Variants in PAK5 observed in about 807,000 individuals in gnomAD.
PAK5 encodes the protein p21 (RAC1) activated kinase 5.
A neutral mutation model predicts 65.9 loss-of-function variants in PAK5; 16 were observed. That is an observed-to-expected ratio of 0.24 (90% CI 0.16 to 0.37). The LOEUF is 0.37. Ranked by LOEUF, PAK5 falls within the 10% of genes least tolerant of loss-of-function variation. The pLI is 1.00. For synonymous variants in PAK5, 371 were observed against 354.9 expected, an observed-to-expected ratio of 1.05 and a Z score of -0.51; for missense variants, 785 against 903.9, an observed-to-expected ratio of 0.87 and a Z score of 1.69.
At chr20:9,589,205 T>C (rs1000782302) in intron 3 of PAK5, among the ~76,000 whole-genome samples, 1 of 152,206 alleles carries the variant, frequency 6.6e-6, no homozygotes, top group Non-Finnish European at 1.5e-5. Flanking sequence ...AAACAAAGAT[T>C]CTCTCAGAAC....
chr20:9,751,779 G>T (rs2048579682), intron 1 of PAK5, among the ~76,000 whole-genome samples: 1 of 151,900 alleles, frequency 6.6e-6, no homozygotes, highest in African/African-American at 2.4e-5. Flanking sequence ...TGTGTAACTG[G>T]GTATGTTGCT....
At chr20:9,706,971 T>C (rs2048016182) in intron 2 of PAK5, among the ~76,000 whole-genome samples, 1 of 152,164 alleles carries the variant, frequency 6.6e-6, no homozygotes, top group South Asian at 2.1e-4. Flanking sequence ...AAATTAACTT[T>C]TATTTTCTTG....
intron 2 of PAK5, among the ~76,000 whole-genome samples, chr20:9,688,137 C>T (rs1398988212): frequency 3.3e-5 from 5 of 152,026 alleles, no homozygotes; most frequent in African/African-American, 1.2e-4. Flanking sequence ...GGCCAGAGAA[C>T]AGCCATGGTG....
At chr20:9,771,670 A>G (rs1177730537) in intron 1 of PAK5, among the ~76,000 whole-genome samples, 2 of 143,712 alleles carry the variant, frequency 1.4e-5, no homozygotes, top group East Asian at 4.2e-4. Context: ...ATCCTCCTGT[A>G]TCAGCCTCTC....
At chr20:9,751,212 G>T (rs571755579) in intron 1 of PAK5, among the ~76,000 whole-genome samples, 1 of 152,232 alleles carries the variant, frequency 6.6e-6, no homozygotes, top group East Asian at 1.9e-4. Context: ...TATTCAAAAT[G>T]TAGTCTTATG....
At chr20:9,614,286 TC>T (rs2046615605) in intron 3 of PAK5, among the ~76,000 whole-genome samples, 1 of 151,630 alleles carries the variant, frequency 6.6e-6, no homozygotes, top group African/African-American at 2.4e-5. Flanking sequence ...AATAGAAACA[TC>T]CAGAACTGAA....
rs2045198208 is a variant in PAK5 at position 9,538,008 on chromosome 20, C to G, written c.*1454G>C. ...CAGTATGTGAAATAGTTAAGAAAAG[C>G]CTCTGTTTTCCCAGTTTGGTAACAA... On this transcript the variant is annotated 3_prime_UTR_variant, in exon 10 of 10. Coordinates refer to ENST00000353224, the MANE Select transcript of PAK5 (RefSeq NM_177990.4). 1 of 232,176 alleles carries G rather than the reference C, an allele frequency of 4.3e-6. No individual in the cohort carries two copies. The highest frequency in any genetic ancestry group is 2.2e-5 in the African/African-American group (1 of 45,240). The allele number at this position is 232,176 out of a possible 1,614,324, so 14.4% of individuals were successfully genotyped here.
chr20:9,758,570 C>T (rs989923638), intron 1 of PAK5, among the ~76,000 whole-genome samples: 4 of 152,128 alleles, frequency 2.6e-5, no homozygotes, highest in Non-Finnish European at 4.4e-5. Flanking sequence ...CTGATTGCAG[C>T]CTCTTGTTTC....
rs532941321 is a variant in PAK5 at position 9,701,150 on chromosome 20, G to T, written c.-12+10136C>A. 3.9e-5 allele frequency among the ~76,000 whole-genome samples: 6 copies of T among 152,276 alleles called. No individual in the cohort carries two copies. In the South Asian group the frequency reaches 1.0e-3, roughly 26 times the overall value. On this transcript the variant is annotated intron_variant, in intron 2 of 9. Transcript: ENST00000353224. ...CCTGCTCCGCCCTTTGACGAGTCAA[G>T]CAAAGTCATTCACATTTCTCTCTAT...
At position 9,537,598 on chromosome 20, in the gene PAK5, T is replaced by G. The variant is rs1193113650; in HGVS notation, c.*1864A>C. On this transcript the variant is annotated 3_prime_UTR_variant, in exon 10 of 10. Transcript: ENST00000353224. ...CTATTTTCTGCAATAGTTTTTAATGTTTATTCTGGTTTAAAAAAGATTTTC... is the reference window on the plus strand; with the variant it reads ...CTATTTTCTGCAATAGTTTTTAATGGTTATTCTGGTTTAAAAAAGATTTTC... The G allele has an allele frequency of 4.7e-6, 1 of 211,934 alleles. No homozygotes were observed. Among genetic ancestry groups the G allele is most frequent in the Non-Finnish European group, 9.6e-6 (1 of 104,484 alleles). 13.1% of individuals were successfully genotyped at this position (211,934 alleles called of 1,614,324 possible). A position where few individuals can be genotyped will look rare whatever the true frequency, so the allele number is the denominator to read the frequency against.
At chr20:9,820,788 C>G (rs561663190) in intron 1 of PAK5, among the ~76,000 whole-genome samples, 7 of 152,122 alleles carry the variant, frequency 4.6e-5, no homozygotes, top group Non-Finnish European at 1.0e-4. Context: ...CTGTGTAACA[C>G]GGAAGCCCTG....
chr20:9,678,368 C>T (rs940074491), intron 2 of PAK5, among the ~76,000 whole-genome samples: 2 of 152,164 alleles, frequency 1.3e-5, no homozygotes, highest in African/African-American at 4.8e-5. Context: ...GAGAGCAAGA[C>T]CATCCTGGCT....
intron 7 of PAK5, among the ~76,000 whole-genome samples, chr20:9,555,894 C>T (rs1422716421): frequency 1.3e-5 from 2 of 152,078 alleles, no homozygotes; most frequent in African/African-American, 4.8e-5. Flanking sequence ...GATACTTGGC[C>T]CTGTTACCTG....
chr20:9,751,339 T>A (rs552598873), intron 1 of PAK5, among the ~76,000 whole-genome samples: 8 of 152,264 alleles, frequency 5.3e-5, no homozygotes, highest in African/African-American at 7.2e-5. Flanking sequence ...AAGGCCATCA[T>A]CTAATTAACA....
At chr20:9,647,696 AT>A (rs1439714042) in intron 2 of PAK5, among the ~76,000 whole-genome samples, 2 of 152,220 alleles carry the variant, frequency 1.3e-5, no homozygotes, top group Non-Finnish European at 2.9e-5. Context: ...CACAACTATA[AT>A]TTTAATGGTC....
intron 1 of PAK5, among the ~76,000 whole-genome samples, chr20:9,794,573 C>A (rs770345463): frequency 6.6e-6 from 1 of 152,000 alleles, no homozygotes; most frequent in East Asian, 1.9e-4. Flanking sequence ...AAGACATATG[C>A]ACTGTGATGT....
chr20:9,738,574 C>T (rs1014328413), intron 1 of PAK5, among the ~76,000 whole-genome samples: 1 of 152,082 alleles, frequency 6.6e-6, no homozygotes, highest in African/African-American at 2.4e-5. Flanking sequence ...AAAAAACATA[C>T]TGAACGATTT....
chr20:9,828,619 TA>T (rs1401197203), intron 1 of PAK5, among the ~76,000 whole-genome samples: 1 of 152,170 alleles, frequency 6.6e-6, no homozygotes, highest in Non-Finnish European at 1.5e-5. Flanking sequence ...AGCTGACAGC[TA>T]AAAACAATTA....
intron 2 of PAK5, among the ~76,000 whole-genome samples, chr20:9,676,838 T>G (rs2047579477): frequency 6.6e-6 from 1 of 152,192 alleles, no homozygotes; most frequent in South Asian, 2.1e-4. Context: ...CAGTTTTGTA[T>G]ATTTGCTGAT....
Sources: gnomAD v4.1 joint callset for allele counts (sites outside exome capture counted in the v4.1 genomes callset) on GRCh38, gnomAD v4.1.1 for gene constraint, MANE v1.5 for transcripts, NCBI Gene and HGNC (gene_info 2026-07-23, HGNC 2026-07-21) for gene names.